Variants in PIWIL1 observed in about 807,000 individuals in gnomAD.
PIWIL1 encodes piwi-like protein 1.
In PIWIL1, 73 loss-of-function variants were observed where a neutral mutation model predicts 114.4. The observed-to-expected ratio is 0.64, with a 90% CI of 0.53 to 0.78. PIWIL1 has a LOEUF of 0.78. Among genes scored for constraint, PIWIL1 ranks in the 30% least tolerant of loss-of-function variants. The pLI is 0.00. For synonymous variants in PIWIL1, 375 were observed against 369.0 expected (o/e 1.02, Z -0.19); for missense variants, 723 against 1,063.1 (o/e 0.68, Z 4.45).
At chr12:130,355,788 A>G (rs2073348393) in intron 12 of PIWIL1, 121 bp downstream of exon 12, 1 of 707,884 alleles carries the variant, frequency 1.4e-6, no homozygotes, top group Non-Finnish European at 2.5e-6. Flanking sequence ...GGCAGTTTTT[A>G]AAGTTGACAA....
chr12:130,370,271 C>T (rs2073783634), intron 19 of PIWIL1, among the ~76,000 whole-genome samples: 2 of 151,248 alleles, frequency 1.3e-5, no homozygotes, highest in African/African-American at 2.4e-5. Context: ...AATGCGTATT[C>T]CTTCATATTT....
chr12:130,407,477 A>G, the PIWIL1 span, among the ~76,000 whole-genome samples: 24 of 152,326 alleles, frequency 1.6e-4, no homozygotes, highest in Admixed American at 1.6e-3. Flanking sequence ...TCTTTCTGTC[A>G]TGGCACAGGA....
chr12:130,370,183 A>C (rs2073779743), intron 19 of PIWIL1, among the ~76,000 whole-genome samples: 1 of 152,102 alleles, frequency 6.6e-6, no homozygotes, highest in Non-Finnish European at 1.5e-5. Flanking sequence ...AATTTCCTTA[A>C]ATCTTTATTG....
At position 130,356,921 on chromosome 12, in the gene PIWIL1, G is replaced by T; in HGVS notation, c.1408G>T (p.Asp470Tyr). 6.2e-7 allele frequency: 1 copy of T among 1,605,818 alleles called. No homozygotes were observed. Among genetic ancestry groups the T allele is most frequent in the Non-Finnish European group, 8.5e-7 (1 of 1,174,920 alleles). The change falls in exon 13 of 21, where the codon GAT (aspartate) becomes TAT (tyrosine). Residue 470 changes from aspartate to tyrosine, a missense_variant. By Grantham distance (160) the Asp-to-Tyr change is radical. Coordinates refer to ENST00000245255, the MANE Select transcript of PIWIL1 (RefSeq NM_004764.5). ...EKIHQGGKTF[D>Y]YNPQFADWSK... Reference sequence around the variant, plus strand: ...GTGTGTCTGAACTCTCTTCTAGTTTGATTACAATCCACAATTTGCAGATTG... The same window carrying T: ...GTGTGTCTGAACTCTCTTCTAGTTTTATTACAATCCACAATTTGCAGATTG...
At chr12:130,393,163 G>T in the PIWIL1 span, among the ~76,000 whole-genome samples, 31 of 147,938 alleles carry the variant, frequency 2.1e-4, no homozygotes, top group African/African-American at 7.9e-4. Context: ...CATCACGTGT[G>T]TCCGTCAGTT....
the PIWIL1 span, among the ~76,000 whole-genome samples, chr12:130,402,175 CTT>C: frequency 6.6e-6 from 1 of 152,116 alleles, no homozygotes; most frequent in South Asian, 2.1e-4. Context: ...GACGACGGGA[CTT>C]GCTCGCGGTG....
At chr12:130,346,873 A>G in intron 5 of PIWIL1, 68 bp from the exon 6 acceptor site, 2 of 1,555,942 alleles carry the variant, frequency 1.3e-6, no homozygotes, top group Non-Finnish European at 8.6e-7. Context: ...TTAAGCAAGC[A>G]GTATGTGATT....
the PIWIL1 span, among the ~76,000 whole-genome samples, chr12:130,411,046 A>C: frequency 6.6e-6 from 1 of 152,198 alleles, no homozygotes; most frequent in Non-Finnish European, 1.5e-5. Flanking sequence ...TTTTCGGCAT[A>C]CAAATACTGC....
chr12:130,413,687 C>T, the PIWIL1 span, among the ~76,000 whole-genome samples: 2 of 149,084 alleles, frequency 1.3e-5, no homozygotes. Context: ...TAGGAAACAA[C>T]CTCCATCAGG....
chr12:130,380,946 G>T, the PIWIL1 span, among the ~76,000 whole-genome samples: 2 of 152,186 alleles, frequency 1.3e-5, no homozygotes, highest in Admixed American at 1.3e-4. Flanking sequence ...TTTTTTACTA[G>T]ACTTTATTTT....
downstream of PIWIL1, among the ~76,000 whole-genome samples, chr12:130,377,119 A>C (rs552147259): frequency 5.1e-4 from 77 of 152,178 alleles, no homozygotes; most frequent in Non-Finnish European, 1.0e-3. Flanking sequence ...TGTAGTGCCC[A>C]GCTTACCTTT....
the PIWIL1 span, among the ~76,000 whole-genome samples, chr12:130,423,450 A>T: frequency 6.6e-6 from 1 of 152,212 alleles, no homozygotes; most frequent in Non-Finnish European, 1.5e-5. Context: ...TTCAATGAAA[A>T]GGTCAGCATG....
chr12:130,360,368 G>A (rs1438404802), intron 14 of PIWIL1, among the ~76,000 whole-genome samples: 1 of 152,164 alleles, frequency 6.6e-6, no homozygotes, highest in Non-Finnish European at 1.5e-5. Flanking sequence ...AGGCGTGGTG[G>A]CTCACACCTG....
chr12:130,355,418 G>A, intron 11 of PIWIL1, 135 bp from the exon 12 acceptor site: 1 of 706,512 alleles, frequency 1.4e-6, no homozygotes, highest in South Asian at 1.7e-5. Context: ...TCCTGTGCCA[G>A]CTGGCATTCT....
the PIWIL1 span, among the ~76,000 whole-genome samples, chr12:130,410,271 C>T: frequency 6.6e-5 from 10 of 152,188 alleles, no homozygotes; most frequent in Admixed American, 6.5e-4. Context: ...TTTGTGTATT[C>T]TGAATGCAAA....
chr12:130,405,783 T>TTTTGG, the PIWIL1 span, among the ~76,000 whole-genome samples: 2 of 151,586 alleles, frequency 1.3e-5, no homozygotes, highest in Non-Finnish European at 2.9e-5. Flanking sequence ...TTTTGTTTTG[T>TTTTGG]TTTTGCTTAT....
intron 3 of PIWIL1, among the ~76,000 whole-genome samples, chr12:130,344,157 A>T (rs941793690): frequency 2.0e-5 from 3 of 152,222 alleles, no homozygotes; most frequent in African/African-American, 7.2e-5. Context: ...GAAACTGGCA[A>T]TTGGATTTTT....
At chr12:130,412,557 GAGCGGC>G in the PIWIL1 span, 1 of 1,488,606 alleles carries the variant, frequency 6.7e-7, no homozygotes. Context: ...CTGCCTCTCT[GAGCGGC>G]AGGTGTTTTG....
chr12:130,410,406 A>G, the PIWIL1 span, among the ~76,000 whole-genome samples: 2 of 152,126 alleles, frequency 1.3e-5, no homozygotes, highest in African/African-American at 4.8e-5. Context: ...CCTTTTATGT[A>G]TCATGTTTTA....
Sources: allele counts gnomAD v4.1 joint callset (sites outside exome capture counted in the v4.1 genomes callset), GRCh38; gene constraint gnomAD v4.1.1; transcripts MANE v1.5; gene names NCBI Gene and HGNC (gene_info 2026-07-23, HGNC 2026-07-21).